Variants in EXT2 observed in about 807,000 individuals in gnomAD.
EXT2 encodes the protein exostosin-2.
EXT2 carries 53 observed loss-of-function variants against 81.6 expected under a neutral mutation model. The observed-to-expected ratio is 0.65, with a 90% CI of 0.52 to 0.82. The LOEUF is 0.82. Among genes scored for constraint, EXT2 ranks in the 40% least tolerant of loss-of-function variants. The pLI is 0.00. For synonymous variants in EXT2, 320 were observed against 340.0 expected, an observed-to-expected ratio of 0.94 and a Z score of 0.65; for missense variants, 774 against 910.2, an observed-to-expected ratio of 0.85 and a Z score of 1.93.
Position 44,096,301 on chromosome 11 carries a change from T to C in EXT2, c.-31+449T>C, listed in dbSNP as rs1326406082. Reference sequence around the variant, plus strand: ...TGGTGGCCTGCGGCATCCCTTGCGGTGCCAGAAGCCGTGGGACGAGGTAGG... The same window carrying C: ...TGGTGGCCTGCGGCATCCCTTGCGGCGCCAGAAGCCGTGGGACGAGGTAGG... On this transcript the variant is annotated intron_variant, in intron 1 of 13. Transcript: ENST00000533608. 12 of 1,535,610 alleles carry C rather than the reference T, an allele frequency of 7.8e-6. No individual in the cohort carries two copies. The highest frequency in any genetic ancestry group is 9.6e-6 in the Non-Finnish European group (11 of 1,146,796).
intron 9 of EXT2, chr11:44,198,225 T>G (rs963506979): frequency 1.6e-6 from 1 of 613,482 alleles, no homozygotes; most frequent in African/African-American, 1.8e-5. Context: ...CCACAAGTGT[T>G]TGAGGGCTTA....
chr11:44,239,235 T>A (rs939491913), intron 13 of EXT2, among the ~76,000 whole-genome samples: 16 of 151,848 alleles, frequency 1.1e-4, no homozygotes, highest in Admixed American at 3.3e-4. Flanking sequence ...CCTTCAGCAG[T>A]GTAATAGGTT....
At chr11:44,209,523 T>C (rs1285422422) in intron 10 of EXT2, among the ~76,000 whole-genome samples, 1 of 152,212 alleles carries the variant, frequency 6.6e-6, no homozygotes, top group Non-Finnish European at 1.5e-5. Context: ...AAGATCATGA[T>C]GCTCCTAAAT....
At chr11:44,177,550 G>A (rs963004856) in intron 8 of EXT2, among the ~76,000 whole-genome samples, 1 of 152,190 alleles carries the variant, frequency 6.6e-6, no homozygotes, top group South Asian at 2.1e-4. Context: ...GTGAATTCAT[G>A]TGTCACCAAA....
chr11:44,136,939 G>A (rs1326503043), intron 7 of EXT2, among the ~76,000 whole-genome samples: 1 of 151,982 alleles, frequency 6.6e-6, no homozygotes, highest in East Asian at 1.9e-4. Context: ...GAGAGCCTTG[G>A]TAATGGGTGT....
intron 8 of EXT2, among the ~76,000 whole-genome samples, chr11:44,177,675 A>T (rs550564694): frequency 1.3e-5 from 2 of 152,270 alleles, no homozygotes; most frequent in East Asian, 3.9e-4. Context: ...AAAAGATTAT[A>T]CTGCATCTTA....
intron 8 of EXT2, among the ~76,000 whole-genome samples, chr11:44,184,465 T>A (rs905256308): frequency 6.6e-6 from 1 of 152,086 alleles, no homozygotes; most frequent in African/African-American, 2.4e-5. Flanking sequence ...TATAATTACA[T>A]TGAGGGCCGG....
intron 4 of EXT2, among the ~76,000 whole-genome samples, chr11:44,119,878 T>G (rs972039139): frequency 2.0e-5 from 3 of 152,210 alleles, no homozygotes; most frequent in Non-Finnish European, 4.4e-5. Flanking sequence ...TGAGGACTGG[T>G]CTGCTAGGAC....
chr11:44,175,630 T>C (rs1955148345), intron 8 of EXT2, among the ~76,000 whole-genome samples: 1 of 152,244 alleles, frequency 6.6e-6, no homozygotes, highest in African/African-American at 2.4e-5. Context: ...TAGAGCATGT[T>C]ATCTGTGTTT....
chr11:44,239,691 T>G (rs1216673152), intron 13 of EXT2, among the ~76,000 whole-genome samples: 1 of 44,152 alleles, frequency 2.3e-5, no homozygotes, highest in African/African-American at 7.6e-5. Flanking sequence ...CTGCCTGGCT[T>G]TTTTTTTTTT....
chr11:44,197,283 C>T (rs980219385), intron 8 of EXT2, among the ~76,000 whole-genome samples: 2 of 151,952 alleles, frequency 1.3e-5, no homozygotes, highest in African/African-American at 2.4e-5. Context: ...TCAACCTTAC[C>T]GCTTCTCTTA....
At chr11:44,188,502 A>C (rs1050003976) in intron 8 of EXT2, among the ~76,000 whole-genome samples, 2 of 152,104 alleles carry the variant, frequency 1.3e-5, no homozygotes, top group African/African-American at 4.8e-5. Flanking sequence ...TTATGAAGGG[A>C]ATTTAGTTGA....
At chr11:44,215,583 T>A (rs576483575) in intron 10 of EXT2, among the ~76,000 whole-genome samples, 1 of 152,218 alleles carries the variant, frequency 6.6e-6, no homozygotes, top group African/African-American at 2.4e-5. Flanking sequence ...TTTAATGTTC[T>A]TACTAGGCCA....
intron 12 of EXT2, 104 bp downstream of exon 12, chr11:44,234,347 A>C: frequency 8.6e-7 from 1 of 1,158,978 alleles, no homozygotes; most frequent in Non-Finnish European, 1.3e-6. Flanking sequence ...GACTAGATAA[A>C]CTTTAAGCTC....
intron 1 of EXT2, chr11:44,104,720 C>G (rs1323872671): frequency 6.6e-6 from 1 of 152,152 alleles, no homozygotes; most frequent in Non-Finnish European, 1.5e-5. Context: ...GCATTTGTCC[C>G]AAAACTTCCT....
At chr11:44,197,368 C>G (rs188079644) in intron 8 of EXT2, among the ~76,000 whole-genome samples, 1 of 152,142 alleles carries the variant, frequency 6.6e-6, no homozygotes, top group Non-Finnish European at 1.5e-5. Flanking sequence ...ATCGCTGCCT[C>G]CCCTCCTGGT....
intron 7 of EXT2, among the ~76,000 whole-genome samples, chr11:44,140,540 C>T (rs534837045): frequency 2.0e-5 from 3 of 152,256 alleles, no homozygotes; most frequent in South Asian, 2.1e-4. Context: ...GAAGGAAAAA[C>T]CATTACCTGG....
Position 44,206,864 on chromosome 11 carries a change from T to C in EXT2, c.1567T>C (p.Phe523Leu). Residue 523 changes from phenylalanine (F) to leucine (L), a missense_variant, in exon 10 of 14, where the codon TTC becomes CTC. Transcript: ENST00000533608. ...RTAENKLSNRFFPYDEIETEA... is the reference protein window; with the variant it reads ...RTAENKLSNRLFPYDEIETEA... ...TGCTGAAAACAAGTTAAGTAACCGT[T>C]TCTTCCCTTATGATGAAATCGAGAC... 6.2e-7 allele frequency: 1 copy of C among 1,614,152 alleles called. No homozygotes were observed. The highest frequency in any genetic ancestry group is 8.5e-7 in the Non-Finnish European group (1 of 1,180,016).
chr11:44,130,000 T>G (rs1954467844), intron 6 of EXT2, 45 bp from the exon 7 acceptor site: 2 of 1,441,750 alleles, frequency 1.4e-6, no homozygotes, highest in African/African-American at 2.8e-5. Flanking sequence ...AAATGCTTTC[T>G]GTGAAGGGCT....
Sources: gnomAD v4.1 joint callset for allele counts (sites outside exome capture counted in the v4.1 genomes callset) on GRCh38, gnomAD v4.1.1 for gene constraint, MANE v1.5 for transcripts, NCBI Gene and HGNC (gene_info 2026-07-23, HGNC 2026-07-21) for gene names.